The following ROBO2 variants were observed in gnomAD, a reference collection of about 807,000 sequenced individuals.
ROBO2 encodes the protein roundabout homolog 2.
ROBO2 carries 53 observed loss-of-function variants against 160.8 expected under a neutral mutation model. The observed-to-expected ratio is 0.33, with a 90% CI of 0.26 to 0.41. The LOEUF (loss-of-function observed/expected upper bound fraction) is 0.41, where lower values mean the gene tolerates loss of function less well. Among genes scored for constraint, ROBO2 ranks in the 10% least tolerant of loss-of-function variants. ROBO2 has a pLI of 1.00. For synonymous variants in ROBO2, 664 were observed against 611.7 expected (o/e 1.09, Z -1.26); for missense variants, 1,577 against 1,722.4 (o/e 0.92, Z 1.49).
chr3:75,925,796 T>C (rs550849307), intron 1 of ROBO2, among the ~76,000 whole-genome samples: 5 of 152,234 alleles, frequency 3.3e-5, no homozygotes, highest in Admixed American at 3.3e-4. Flanking sequence ...ACTACAATAG[T>C]CATATAGATG....
chr3:76,012,930 C>T (rs77602732), intron 2 of ROBO2, among the ~76,000 whole-genome samples: 57 of 105,886 alleles, frequency 5.4e-4, no homozygotes, highest in South Asian at 4.6e-3. Context: ...CGGTGGCTTA[C>T]GCGTGTAATC....
At position 76,792,354 on chromosome 3, in the gene ROBO2, T is replaced by A. The variant is rs540815525; in HGVS notation, c.110-305660T>A. On this transcript the variant is annotated intron_variant, in intron 2 of 26. Coordinates refer to the ROBO2 transcript ENST00000487694. ...TGTTTCTATTTTGGGGATTGGAGCA[T>A]CCCCTAATTTTGGTATCCTCGGGGG... is the stretch of plus-strand genomic sequence containing the variant. Among the ~76,000 whole-genome samples, 4 of 151,896 alleles carry A rather than the reference T, an allele frequency of 2.6e-5. No individual in the cohort carries two copies. The East Asian group carries it at 7.8e-4, about 30-fold the overall frequency.
At chr3:77,578,142 GACTT>G (rs1170517577) in intron 15 of ROBO2, among the ~76,000 whole-genome samples, 2 of 151,906 alleles carry the variant, frequency 1.3e-5, no homozygotes, top group African/African-American at 4.8e-5. Flanking sequence ...ACAAAATACT[GACTT>G]ACAGAAAAAA....
chr3:76,961,247 GA>G (rs371889909), intron 2 of ROBO2, among the ~76,000 whole-genome samples: 2,780 of 54,440 alleles, frequency 0.051, 13 homozygotes, highest in South Asian at 0.071. Flanking sequence ...GTGCCACAGA[GA>G]AAAAAAAAAA....
intron 2 of ROBO2, among the ~76,000 whole-genome samples, chr3:77,393,048 T>A (rs1325788416): frequency 1.3e-5 from 2 of 152,196 alleles, no homozygotes; most frequent in Non-Finnish European, 2.9e-5. Context: ...CATTTTTGTC[T>A]TTCTGTGTTA....
intron 2 of ROBO2, among the ~76,000 whole-genome samples, chr3:77,429,047 A>C (rs1182072853): frequency 6.6e-6 from 1 of 152,200 alleles, no homozygotes; most frequent in Non-Finnish European, 1.5e-5. Flanking sequence ...ATTACTGTAT[A>C]TACACTAGTT....
At chr3:77,205,968 A>C (rs1473736532) in intron 2 of ROBO2, among the ~76,000 whole-genome samples, 1 of 152,094 alleles carries the variant, frequency 6.6e-6, no homozygotes, top group East Asian at 1.9e-4. Context: ...GGGACTGGAA[A>C]TTTGAAATCA....
At chr3:77,231,113 C>T (rs2087123465) in intron 2 of ROBO2, among the ~76,000 whole-genome samples, 1 of 152,098 alleles carries the variant, frequency 6.6e-6, no homozygotes, top group South Asian at 2.1e-4. Flanking sequence ...ACCTGTAATT[C>T]CAGCACTTTG....
chr3:76,383,886 G>T (rs555221810), intron 2 of ROBO2, among the ~76,000 whole-genome samples: 1 of 152,164 alleles, frequency 6.6e-6, no homozygotes, highest in African/African-American at 2.4e-5. Flanking sequence ...TTTTCTATGC[G>T]TCAGGGAAAT....
At chr3:76,362,599 G>T (rs532197310) in intron 2 of ROBO2, among the ~76,000 whole-genome samples, 1 of 152,212 alleles carries the variant, frequency 6.6e-6, no homozygotes, top group Admixed American at 6.5e-5. Context: ...ATTAATTCAT[G>T]AATACATGTG....
intron 2 of ROBO2, among the ~76,000 whole-genome samples, chr3:76,888,740 C>T (rs1374452766): frequency 1.3e-5 from 2 of 152,166 alleles, no homozygotes; most frequent in African/African-American, 4.8e-5. Context: ...CACTGGAAGA[C>T]TTTTGGCTCC....
intron 1 of ROBO2, among the ~76,000 whole-genome samples, chr3:77,044,568 T>C (rs2064445429): frequency 6.6e-6 from 1 of 152,108 alleles, no homozygotes; most frequent in African/African-American, 2.4e-5. Context: ...TTGGATCTAA[T>C]GAAAGGAATT....
intron 1 of ROBO2, among the ~76,000 whole-genome samples, chr3:77,064,455 G>C (rs2066638465): frequency 6.7e-6 from 1 of 148,838 alleles, no homozygotes; most frequent in South Asian, 2.1e-4. Context: ...CCGCCTCCCA[G>C]GTTCAAGCGA....
chr3:76,704,255 GA>G (rs1194466973), intron 2 of ROBO2, among the ~76,000 whole-genome samples: 1 of 152,122 alleles, frequency 6.6e-6, no homozygotes, highest in Non-Finnish European at 1.5e-5. Context: ...GAGTCCCTCT[GA>G]AAAGTGAGAG....
At chr3:76,289,020 A>G (rs1458070060) in intron 2 of ROBO2, among the ~76,000 whole-genome samples, 2 of 152,194 alleles carry the variant, frequency 1.3e-5, no homozygotes, top group African/African-American at 4.8e-5. Context: ...CTGTAACAGA[A>G]TTGCTGGGTA....
chr3:76,607,246 C>T (rs1186923211), intron 2 of ROBO2, among the ~76,000 whole-genome samples: 1 of 152,132 alleles, frequency 6.6e-6, no homozygotes, highest in Non-Finnish European at 1.5e-5. Context: ...GTATCTGGGA[C>T]TTGAACTCCT....
intron 2 of ROBO2, among the ~76,000 whole-genome samples, chr3:77,025,635 T>C (rs1257125447): frequency 2.6e-5 from 4 of 152,134 alleles, no homozygotes; most frequent in Non-Finnish European, 5.9e-5. Context: ...TCTTTACAGC[T>C]CTCTTAGGAA....
intron 2 of ROBO2, among the ~76,000 whole-genome samples, chr3:77,199,510 C>T (rs2082616818): frequency 6.6e-6 from 1 of 151,978 alleles, no homozygotes; most frequent in Non-Finnish European, 1.5e-5. Context: ...GGTTGAAAGT[C>T]AGTGATTTCT....
intron 2 of ROBO2, among the ~76,000 whole-genome samples, chr3:76,020,005 G>A (rs1050562715): frequency 3.3e-5 from 5 of 151,954 alleles, no homozygotes; most frequent in African/African-American, 1.2e-4. Flanking sequence ...GAAGCTCCAT[G>A]TGTATCTGAG....
Sources: gnomAD v4.1 joint callset for allele counts (sites outside exome capture counted in the v4.1 genomes callset) on GRCh38, gnomAD v4.1.1 for gene constraint, MANE v1.5 for transcripts, NCBI Gene and HGNC (gene_info 2026-07-23, HGNC 2026-07-21) for gene names.